The following AFG1L variants were observed in gnomAD, a reference collection of about 807,000 sequenced individuals.
The protein encoded by AFG1L is AFG1 like ATPase.
AFG1L carries 53 observed loss-of-function variants against 62.2 expected under a neutral mutation model. That is an observed-to-expected ratio of 0.85 (90% CI 0.68 to 1.07). The LOEUF (loss-of-function observed/expected upper bound fraction) is 1.07, where lower values mean the gene tolerates loss of function less well. AFG1L is among the 50% of genes least tolerant of loss of function. The probability of loss-of-function intolerance (pLI) is 0.00; values close to 1 mark genes in which losing one functional copy is unlikely to be tolerated. For missense variants in AFG1L, 555 were observed against 590.5 expected (o/e 0.94, Z 0.62); for synonymous variants, 228 against 210.3 (o/e 1.08, Z -0.73).
chr6:108,355,732 G>T lies in AFG1L; in HGVS notation c.494G>T (p.Gly165Val). 6.2e-7 allele frequency: 1 copy of T among 1,609,764 alleles called. No individual in the cohort carries two copies. Among genetic ancestry groups the T allele is most frequent in the Non-Finnish European group, 8.5e-7 (1 of 1,178,030 alleles). Residue 165 changes from glycine to valine, a missense_variant, in exon 4 of 13, where the codon GGT becomes GTT. Gly to Val is a moderately radical substitution (Grantham distance 109). Coordinates refer to ENST00000368977, the MANE Select transcript of AFG1L (RefSeq NM_145315.5). Reference protein sequence around the residue: ...MKRKKRVHFHGFMLDVHKRIH... With the variant: ...MKRKKRVHFHVFMLDVHKRIH... ...AGGAAAAAACGGGTTCATTTTCATG[G>T]TTTCATGCTAGATGTGCACAAAAGT...
chr6:108,300,736 G>C (rs540832498), intron 1 of AFG1L, among the ~76,000 whole-genome samples: 1 of 150,514 alleles, frequency 6.6e-6, no homozygotes, highest in East Asian at 2.0e-4. Flanking sequence ...GCAGTGGAGC[G>C]ATGTCGGCTC....
intron 2 of AFG1L, among the ~76,000 whole-genome samples, chr6:108,329,045 A>G (rs1450664919): frequency 1.3e-5 from 2 of 151,804 alleles, no homozygotes; most frequent in Non-Finnish European, 2.9e-5. Flanking sequence ...TCTTTTTCTA[A>G]TAGTATTTGT....
chr6:108,495,544 A>C (rs1339733281), intron 10 of AFG1L, among the ~76,000 whole-genome samples: 1 of 152,256 alleles, frequency 6.6e-6, no homozygotes, highest in African/African-American at 2.4e-5. Context: ...TGCATTTCAC[A>C]TTGGTGTGGC....
At chr6:108,509,789 G>C (rs2114896300) in intron 10 of AFG1L, among the ~76,000 whole-genome samples, 1 of 152,260 alleles carries the variant, frequency 6.6e-6, no homozygotes, top group East Asian at 1.9e-4. Context: ...AGGGAGAGAG[G>C]GGAGGGCAAA....
chr6:108,339,111 T>C lies in AFG1L; in HGVS notation c.364-7877T>C, dbSNP rs562597611. Among the ~76,000 whole-genome samples, 21 of 152,268 alleles carry C rather than the reference T, an allele frequency of 1.4e-4. No individual in the cohort carries two copies. In the South Asian group the frequency reaches 4.4e-3, roughly 32 times the overall value. On this transcript the variant is annotated intron_variant, in intron 2 of 12. Transcript: ENST00000368977. ...AGCAATTTGCATTTGTTTTTCTTAC[T>C]GATTGATTTATAAAAGCTCTTTGTT... is the stretch of plus-strand genomic sequence containing the variant.
At chr6:108,457,807 A>G (rs1038123071) in intron 8 of AFG1L, among the ~76,000 whole-genome samples, 6 of 152,158 alleles carry the variant, frequency 3.9e-5, no homozygotes, top group Middle Eastern at 3.4e-3. Flanking sequence ...CTCATATTAA[A>G]GTTTTTGTTT....
At chr6:108,296,562 TA>T (rs946619896) in intron 1 of AFG1L, among the ~76,000 whole-genome samples, 9 of 152,134 alleles carry the variant, frequency 5.9e-5, no homozygotes, top group South Asian at 4.1e-4. Flanking sequence ...ATAATGGTAT[TA>T]AAAAAATAGA....
intron 11 of AFG1L, among the ~76,000 whole-genome samples, chr6:108,516,659 G>A (rs1263085352): frequency 2.4e-4 from 36 of 152,204 alleles, no homozygotes; most frequent in African/African-American, 6.7e-4. Context: ...CAGGGCAATC[G>A]GGCAGGAGAC....
chr6:108,297,427 A>C (rs1728620497), intron 1 of AFG1L, among the ~76,000 whole-genome samples: 1 of 152,184 alleles, frequency 6.6e-6, no homozygotes, highest in Non-Finnish European at 1.5e-5. Flanking sequence ...AATAAAAGGA[A>C]AATTTTAGTT....
chr6:108,432,420 A>G (rs1771117485), intron 7 of AFG1L, among the ~76,000 whole-genome samples: 1 of 152,228 alleles, frequency 6.6e-6, no homozygotes, highest in Non-Finnish European at 1.5e-5. Flanking sequence ...TTATTCAAAT[A>G]GTTCTGGACT....
At chr6:108,427,243 C>CA (rs1770860250) in intron 7 of AFG1L, among the ~76,000 whole-genome samples, 1 of 152,058 alleles carries the variant, frequency 6.6e-6, no homozygotes, top group Non-Finnish European at 1.5e-5. Context: ...GCCAGGACTA[C>CA]ACACTTGGCT....
intron 1 of AFG1L, among the ~76,000 whole-genome samples, chr6:108,310,164 G>A (rs56019111): frequency 0.048 from 7,261 of 152,160 alleles, 272 homozygotes; most frequent in South Asian, 0.18. Context: ...AAGCCTTCCC[G>A]GCTTTTGACC....
intron 8 of AFG1L, among the ~76,000 whole-genome samples, chr6:108,448,857 A>G (rs1001416086): frequency 1.3e-5 from 2 of 152,236 alleles, no homozygotes; most frequent in Non-Finnish European, 2.9e-5. Flanking sequence ...TGAGAAGTAT[A>G]TAAATTCAAA....
At chr6:108,364,365 A>G (rs1779667338) in intron 5 of AFG1L, among the ~76,000 whole-genome samples, 1 of 152,220 alleles carries the variant, frequency 6.6e-6, no homozygotes, top group Admixed American at 6.5e-5. Flanking sequence ...AAATATAAAA[A>G]CAGCAAATTA....
intron 3 of AFG1L, among the ~76,000 whole-genome samples, chr6:108,348,260 A>G (rs1381598396): frequency 1.3e-5 from 2 of 152,092 alleles, no homozygotes; most frequent in Non-Finnish European, 2.9e-5. Context: ...TTGTATTTTT[A>G]GTAGAGACGG....
intron 2 of AFG1L, among the ~76,000 whole-genome samples, chr6:108,327,697 C>T (rs1363757709): frequency 6.6e-6 from 1 of 152,196 alleles, no homozygotes; most frequent in Non-Finnish European, 1.5e-5. Flanking sequence ...TGGGGTGATG[C>T]AAGCATTGAG....
At chr6:108,498,488 T>C (rs1020946507) in intron 10 of AFG1L, among the ~76,000 whole-genome samples, 31 of 152,200 alleles carry the variant, frequency 2.0e-4, no homozygotes, top group Admixed American at 1.2e-3. Flanking sequence ...AAAGGGTGAG[T>C]GGCAACATTG....
chr6:108,519,405 C>G (rs1403623730), intron 11 of AFG1L, among the ~76,000 whole-genome samples: 5 of 152,220 alleles, frequency 3.3e-5, no homozygotes, highest in African/African-American at 9.6e-5. Flanking sequence ...AACTGAAGAT[C>G]TGGGCTGACA....
chr6:108,360,082 G>T (rs2114475847), intron 5 of AFG1L, among the ~76,000 whole-genome samples: 1 of 152,314 alleles, frequency 6.6e-6, no homozygotes, highest in African/African-American at 2.4e-5. Context: ...CCCAGGAAGA[G>T]AAAGATGAGG....
Sources: allele counts gnomAD v4.1 joint callset (sites outside exome capture counted in the v4.1 genomes callset), GRCh38; gene constraint gnomAD v4.1.1; transcripts MANE v1.5; gene names NCBI Gene and HGNC (gene_info 2026-07-23, HGNC 2026-07-21).